RNF38: variants seen among roughly 807,000 people sequenced by gnomAD.
RNF38 encodes ring finger protein 38.
Under a neutral mutation model 67.2 loss-of-function variants are expected in RNF38, and 15 were observed. That is an observed-to-expected ratio of 0.22 (90% CI 0.15 to 0.34). The LOEUF is 0.34. RNF38 is among the 10% of genes least tolerant of loss of function. The pLI, the probability that RNF38 is intolerant of heterozygous loss-of-function variation, is 1.00. For synonymous variants in RNF38, 220 were observed against 218.8 expected, an observed-to-expected ratio of 1.01 and a Z score of -0.05; for missense variants, 524 against 639.9, an observed-to-expected ratio of 0.82 and a Z score of 1.95.
At chr9:36,351,233 G>C (rs1346748404) in intron 8 of RNF38, 34 bp from the exon 9 acceptor site, 2 of 1,418,856 alleles carry the variant, frequency 1.4e-6, no homozygotes, top group Non-Finnish European at 2.0e-6. Context: ...GCATTGATAT[G>C]TTAGTACATT....
intron 2 of RNF38, among the ~76,000 whole-genome samples, chr9:36,424,195 A>G (rs1170524337): frequency 6.6e-6 from 1 of 152,236 alleles, no homozygotes; most frequent in South Asian, 2.1e-4. Context: ...AAGGTAAAGT[A>G]TAAGAAGAAA....
intron 2 of RNF38, among the ~76,000 whole-genome samples, chr9:36,415,843 G>A (rs1311951884): frequency 6.6e-6 from 1 of 152,066 alleles, no homozygotes; most frequent in African/African-American, 2.4e-5. Context: ...TGGTTAGCTA[G>A]GATGTTACAG....
At chr9:36,450,107 T>C (rs1408371618) in intron 1 of RNF38, among the ~76,000 whole-genome samples, 1 of 152,164 alleles carries the variant, frequency 6.6e-6, no homozygotes, top group Non-Finnish European at 1.5e-5. Context: ...ATTTTAACCA[T>C]TTTTAAGCAT....
intron 2 of RNF38, among the ~76,000 whole-genome samples, chr9:36,417,208 A>G (rs1021150532): frequency 1.3e-5 from 2 of 152,054 alleles, no homozygotes; most frequent in Non-Finnish European, 2.9e-5. Flanking sequence ...CACTTTGGGC[A>G]CTCACAGCTT....
chr9:36,378,016 T>G (rs1293924223), intron 2 of RNF38, among the ~76,000 whole-genome samples: 1 of 150,228 alleles, frequency 6.7e-6, no homozygotes, highest in Non-Finnish European at 1.5e-5. Context: ...TCCTAAAACT[T>G]AAAAAAAAAG....
chr9:36,433,070 G>C (rs1368615607), intron 1 of RNF38, among the ~76,000 whole-genome samples: 3 of 150,944 alleles, frequency 2.0e-5, no homozygotes, highest in African/African-American at 7.3e-5. Context: ...CTAGTATAGA[G>C]AAAAGATTGA....
chr9:36,359,194 TTGTG>T (rs1245104375), intron 4 of RNF38, among the ~76,000 whole-genome samples: 1 of 152,076 alleles, frequency 6.6e-6, no homozygotes, highest in Non-Finnish European at 1.5e-5. Context: ...CTATTGCTTG[TTGTG>T]TGTAATGAAA....
intron 1 of RNF38, among the ~76,000 whole-genome samples, chr9:36,483,104 C>G (rs757715032): frequency 6.6e-6 from 1 of 152,094 alleles, no homozygotes; most frequent in Non-Finnish European, 1.5e-5. Flanking sequence ...AGAAGTGTAC[C>G]GGCCAGGCAC....
chr9:36,450,320 G>T (rs957742521), intron 1 of RNF38, among the ~76,000 whole-genome samples: 1 of 151,954 alleles, frequency 6.6e-6, no homozygotes, highest in African/African-American at 2.4e-5. Flanking sequence ...ACTGTAATAT[G>T]CTGCCACCAG....
chr9:36,374,192 A>T (rs1156938549), intron 3 of RNF38, among the ~76,000 whole-genome samples: 1 of 152,222 alleles, frequency 6.6e-6, no homozygotes, highest in Non-Finnish European at 1.5e-5. Flanking sequence ...GTAATGTAAA[A>T]GTCTTAATGT....
In RNF38 at chr9:36,453,114, C is replaced by T. The variant is rs151310145; in HGVS notation, n.242-28431G>A. ...GTGGCTGCACCATTTTACATTCCCACCACCAGTCTGAATGTTCCAATTTCT... is the reference window on the plus strand; with the variant it reads ...GTGGCTGCACCATTTTACATTCCCATCACCAGTCTGAATGTTCCAATTTCT... On this transcript the variant is annotated intron_variant and non_coding_transcript_variant, in intron 1 of 3. Coordinates refer to the RNF38 transcript ENST00000488058. Among the ~76,000 whole-genome samples, 707 of 152,270 alleles carry T rather than the reference C, an allele frequency of 4.6e-3. 6 individuals are homozygous for T. Among genetic ancestry groups the T allele is most frequent in the Admixed American group, 8.8e-3 (134 of 15,286 alleles).
chr9:36,409,280 AAGAAAGAAAAGAAAGAGAG>A (rs1464719527), intron 2 of RNF38, among the ~76,000 whole-genome samples: 4 of 151,688 alleles, frequency 2.6e-5, no homozygotes, highest in African/African-American at 9.7e-5. Flanking sequence ...GAAGGAAAGA[AAGAAAGAAAAGAAAGAGAG>A]AGAAAGAAAA....
chr9:36,340,987 C>T (rs960166808), intron 11 of RNF38, among the ~76,000 whole-genome samples: 1 of 151,978 alleles, frequency 6.6e-6, no homozygotes, highest in Non-Finnish European at 1.5e-5. Flanking sequence ...TTCTCTGGCC[C>T]ACCATGTCTT....
chr9:36,441,975 A>G (rs1350895657), intron 1 of RNF38, among the ~76,000 whole-genome samples: 1 of 152,156 alleles, frequency 6.6e-6, no homozygotes, highest in East Asian at 1.9e-4. Context: ...ATATTAGCCT[A>G]CTCTTAGACA....
At chr9:36,453,527 C>T (rs182910313) in intron 1 of RNF38, among the ~76,000 whole-genome samples, 128 of 152,080 alleles carry the variant, frequency 8.4e-4, no homozygotes, top group African/African-American at 2.9e-3. Flanking sequence ...GGATTACAGG[C>T]GCACGCTGCC....
chr9:36,474,035 CG>C (rs1840065224), intron 1 of RNF38, among the ~76,000 whole-genome samples: 1 of 148,620 alleles, frequency 6.7e-6, no homozygotes, highest in South Asian at 2.1e-4. Context: ...TAGCACAGAC[CG>C]GGCGCGGTGG....
At chr9:36,420,562 C>G (rs1480813432) in intron 2 of RNF38, among the ~76,000 whole-genome samples, 1 of 123,080 alleles carries the variant, frequency 8.1e-6, no homozygotes, top group Non-Finnish European at 1.9e-5. Context: ...ACAACCTTCT[C>G]CCAGTACTTC....
At chr9:36,380,246 G>GC (rs1220009115) in intron 2 of RNF38, among the ~76,000 whole-genome samples, 2 of 152,150 alleles carry the variant, frequency 1.3e-5, no homozygotes, top group African/African-American at 4.8e-5. Context: ...TGTTGCCCAG[G>GC]TAGAGTGCAA....
intron 1 of RNF38, among the ~76,000 whole-genome samples, chr9:36,485,276 T>C (rs1223711449): frequency 6.7e-6 from 1 of 148,572 alleles, no homozygotes; most frequent in East Asian, 1.9e-4. Context: ...ACTTATTTTC[T>C]TGAACAAGTG....
Sources: allele counts gnomAD v4.1 joint callset (sites outside exome capture counted in the v4.1 genomes callset), GRCh38; gene constraint gnomAD v4.1.1; transcripts MANE v1.5; gene names NCBI Gene and HGNC (gene_info 2026-07-23, HGNC 2026-07-21).